TMEM38B: variants seen among roughly 807,000 people sequenced by gnomAD.
TMEM38B encodes the protein transmembrane protein 38B, also known as trimeric intracellular cation channel type B.
Under a neutral mutation model 28.7 loss-of-function variants are expected in TMEM38B, and 24 were observed. The observed-to-expected ratio is 0.84, with a 90% confidence interval of 0.61 to 1.18. The LOEUF is 1.18. TMEM38B is among the 50% of genes most tolerant of loss of function. TMEM38B has a pLI of 0.00. For missense variants in TMEM38B, 380 were observed against 350.9 expected (o/e 1.08, Z -0.66); for synonymous variants, 131 against 127.7 (o/e 1.03, Z -0.17).
At chr9:105,706,523 A>T (rs1332226092) in intron 2 of TMEM38B, among the ~76,000 whole-genome samples, 1 of 152,256 alleles carries the variant, frequency 6.6e-6, no homozygotes, top group Non-Finnish European at 1.5e-5. Flanking sequence ...AGAGCAAAAC[A>T]AAGGTAGTTA....
chr9:105,770,548 AC>A (rs1414981055), intron 5 of TMEM38B, among the ~76,000 whole-genome samples: 8 of 151,878 alleles, frequency 5.3e-5, no homozygotes, highest in African/African-American at 1.9e-4. Context: ...GTTTTTTTTT[AC>A]ATTTGTAAAA....
At chr9:105,698,399 C>T (rs1442894392) in intron 1 of TMEM38B, among the ~76,000 whole-genome samples, 2 of 151,898 alleles carry the variant, frequency 1.3e-5, no homozygotes, top group African/African-American at 4.8e-5. Context: ...TTATTCCCAA[C>T]TTTCTAGGAT....
At chr9:105,739,140 C>T (rs1284880509) in intron 4 of TMEM38B, among the ~76,000 whole-genome samples, 3 of 152,114 alleles carry the variant, frequency 2.0e-5, no homozygotes, top group African/African-American at 7.2e-5. Flanking sequence ...ACTTGGTACC[C>T]TACTAGAAAA....
intron 5 of TMEM38B, among the ~76,000 whole-genome samples, chr9:105,750,601 A>G (rs1837611117): frequency 6.6e-6 from 1 of 151,416 alleles, no homozygotes; most frequent in Admixed American, 6.6e-5. Context: ...GCAACAGAGA[A>G]AGACTCTGTC....
At chr9:105,708,059 C>T (rs916893374) in intron 2 of TMEM38B, among the ~76,000 whole-genome samples, 4 of 152,096 alleles carry the variant, frequency 2.6e-5, no homozygotes, top group Non-Finnish European at 5.9e-5. Flanking sequence ...TGGATGATTG[C>T]AGGAGCTTCC....
intron 4 of TMEM38B, among the ~76,000 whole-genome samples, chr9:105,734,119 G>A (rs1836878513): frequency 6.6e-6 from 1 of 151,870 alleles, no homozygotes; most frequent in African/African-American, 2.4e-5. Context: ...GCTGCATCAT[G>A]TAAGTATTGG....
chr9:105,765,785 C>G (rs1483586206), intron 5 of TMEM38B, among the ~76,000 whole-genome samples: 2 of 151,950 alleles, frequency 1.3e-5, no homozygotes, highest in Non-Finnish European at 2.9e-5. Context: ...TGTACACAGA[C>G]ACATATTTTC....
intron 1 of TMEM38B, among the ~76,000 whole-genome samples, chr9:105,699,353 C>T (rs191153334): frequency 5.5e-4 from 84 of 152,314 alleles, no homozygotes; most frequent in African/African-American, 1.9e-3. Flanking sequence ...CTCACACCTA[C>T]AGTAAACTGT....
At chr9:105,725,387 C>T (rs936393705) in intron 4 of TMEM38B, among the ~76,000 whole-genome samples, 1 of 149,894 alleles carries the variant, frequency 6.7e-6, no homozygotes, top group Non-Finnish European at 1.5e-5. Flanking sequence ...ATAATACATA[C>T]TAGATGACTG....
chr9:105,726,758 G>T (rs1836532156), intron 4 of TMEM38B, among the ~76,000 whole-genome samples: 1 of 152,002 alleles, frequency 6.6e-6, no homozygotes, highest in African/African-American at 2.4e-5. Flanking sequence ...GTAACTTGGG[G>T]TGATAAAATA....
intron 1 of TMEM38B, among the ~76,000 whole-genome samples, chr9:105,705,380 C>T (rs1835616040): frequency 6.6e-6 from 1 of 152,102 alleles, no homozygotes; most frequent in African/African-American, 2.4e-5. Context: ...TTTAAAGGTG[C>T]CAAAGTGCCA....
At chr9:105,715,906 AT>A (rs894741873) in intron 2 of TMEM38B, among the ~76,000 whole-genome samples, 2 of 151,104 alleles carry the variant, frequency 1.3e-5, no homozygotes, top group African/African-American at 4.9e-5. Flanking sequence ...TATTCTGCTT[AT>A]TTTTTTTCTT....
intron 2 of TMEM38B, among the ~76,000 whole-genome samples, chr9:105,708,030 TC>T (rs34001982): frequency 0.1 from 15,867 of 152,174 alleles, 1,281 homozygotes; most frequent in East Asian, 0.46. Context: ...CTACTTCTGT[TC>T]CTATAATACT....
At chr9:105,727,927 C>T (rs1180929170) in intron 4 of TMEM38B, among the ~76,000 whole-genome samples, 1 of 152,128 alleles carries the variant, frequency 6.6e-6, no homozygotes, top group Non-Finnish European at 1.5e-5. Context: ...CCCAGTCTCA[C>T]CATGTGATGT....
intron 5 of TMEM38B, chr9:105,759,033 C>T: frequency 2.3e-6 from 2 of 885,560 alleles, no homozygotes; most frequent in East Asian, 2.4e-5. Flanking sequence ...AGTTACACTA[C>T]AAAACAAATC....
At chr9:105,738,707 A>C (rs1012542977) in intron 4 of TMEM38B, among the ~76,000 whole-genome samples, 10 of 122,916 alleles carry the variant, frequency 8.1e-5, no homozygotes, top group African/African-American at 3.6e-4. Context: ...ATATGAGTTA[A>C]TTTTTTCCTT....
rs1045305813 is a variant in TMEM38B, at chr9:105,776,614, C to A, written c.*2534C>A. ...CCAATAAAGCCCTTTATAGTGTTTG[C>A]CCCAGGTGTAATTCACATCCTTGGT... On this transcript the variant is annotated 3_prime_UTR_variant, in exon 6 of 6. Transcript: ENST00000374692. 1 of 152,106 alleles carries A rather than the reference C, an allele frequency of 6.6e-6. No individual in the cohort carries two copies. Among genetic ancestry groups the A allele is most frequent in the Non-Finnish European group, 1.5e-5 (1 of 68,014 alleles). The allele number at this position is 152,106 out of a possible 1,614,324, so 9.4% of individuals were successfully genotyped here.
intron 5 of TMEM38B, chr9:105,760,330 GTTTC>G (rs1341498627): frequency 1.2e-5 from 9 of 775,218 alleles, no homozygotes; most frequent in African/African-American, 3.4e-5. Flanking sequence ...TGGAAGATTA[GTTTC>G]TTTCTTACTG....
chr9:105,767,952 G>T (rs1183090933), intron 5 of TMEM38B, among the ~76,000 whole-genome samples: 1 of 151,998 alleles, frequency 6.6e-6, no homozygotes, highest in Non-Finnish European at 1.5e-5. Context: ...TGGCTAGAAT[G>T]TCCTGTACAA....
Sources: gnomAD v4.1 joint callset for allele counts (sites outside exome capture counted in the v4.1 genomes callset) on GRCh38, gnomAD v4.1.1 for gene constraint, MANE v1.5 for transcripts, NCBI Gene and HGNC (gene_info 2026-07-23, HGNC 2026-07-21) for gene names.